The following MAPK10 variants were observed in gnomAD, a reference collection of about 807,000 sequenced individuals.
The protein encoded by MAPK10 is mitogen-activated protein kinase 10, also known as JNK3 alpha protein kinase.
MAPK10 carries 25 observed loss-of-function variants against 59.3 expected under a neutral mutation model. The ratio of observed to expected loss-of-function variants is 0.42; its 90% CI spans 0.31 to 0.59. MAPK10 has a LOEUF of 0.59. Ranked by LOEUF, MAPK10 falls within the 20% of genes least tolerant of loss-of-function variation. The probability of loss-of-function intolerance (pLI) is 0.15; values close to 1 mark genes in which losing one functional copy is unlikely to be tolerated. For synonymous variants in MAPK10, 190 were observed against 200.5 expected, an observed-to-expected ratio of 0.95 and a Z score of 0.44; for missense variants, 351 against 568.9, an observed-to-expected ratio of 0.62 and a Z score of 3.90.
chr4:86,328,131 C>T (rs1210731331), intron 2 of MAPK10, among the ~76,000 whole-genome samples: 3 of 152,092 alleles, frequency 2.0e-5, no homozygotes, highest in African/African-American at 4.8e-5. Flanking sequence ...CCTTATAAAA[C>T]AGGCTTCCTT....
intron 1 of MAPK10, among the ~76,000 whole-genome samples, chr4:86,585,824 T>C (rs1762620046): frequency 6.6e-6 from 1 of 152,178 alleles, no homozygotes; most frequent in South Asian, 2.1e-4. Flanking sequence ...TAGGGGGAGA[T>C]GTAAAAATCA....
chr4:86,582,461 T>C (rs1264783624), intron 1 of MAPK10, among the ~76,000 whole-genome samples: 1 of 152,152 alleles, frequency 6.6e-6, no homozygotes, highest in Non-Finnish European at 1.5e-5. Flanking sequence ...AACCTTGATT[T>C]TACCAAAATT....
intron 1 of MAPK10, among the ~76,000 whole-genome samples, chr4:86,447,839 A>AC (rs1298142283): frequency 6.6e-6 from 1 of 152,228 alleles, no homozygotes; most frequent in African/African-American, 2.4e-5. Flanking sequence ...TCAGTATAAT[A>AC]CATATAGAGT....
intron 4 of MAPK10, among the ~76,000 whole-genome samples, chr4:86,157,801 A>T (rs991696616): frequency 6.6e-6 from 1 of 152,022 alleles, no homozygotes; most frequent in Non-Finnish European, 1.5e-5. Flanking sequence ...TAACTTCCTG[A>T]GCAAAATGCT....
intron 2 of MAPK10, among the ~76,000 whole-genome samples, chr4:86,197,284 T>C (rs139496898): frequency 0.03 from 4,525 of 152,260 alleles, 92 homozygotes; most frequent in South Asian, 0.041. Context: ...TTCATATCCC[T>C]TGTAAGTTGT....
At chr4:86,387,950 A>G (rs1741714349) in intron 1 of MAPK10, among the ~76,000 whole-genome samples, 1 of 150,666 alleles carries the variant, frequency 6.6e-6, no homozygotes, top group Non-Finnish European at 1.5e-5. Context: ...TTTTAAAAAT[A>G]TATACAAAAG....
At chr4:86,183,491 A>G (rs1235098651) in intron 3 of MAPK10, among the ~76,000 whole-genome samples, 1 of 152,018 alleles carries the variant, frequency 6.6e-6, no homozygotes, top group Non-Finnish European at 1.5e-5. Context: ...ATGGCTGCAT[A>G]GTATTCCATG....
intron 11 of MAPK10, among the ~76,000 whole-genome samples, chr4:86,050,898 A>C (rs1461178817): frequency 2.0e-5 from 3 of 152,120 alleles, no homozygotes; most frequent in Non-Finnish European, 4.4e-5. Context: ...CACATACCTT[A>C]GGTAAGAAAT....
In MAPK10 at chr4:86,037,089, A is replaced by T. The variant is rs184886665; in HGVS notation, c.1111-5658T>A. On this transcript the variant is annotated intron_variant, in intron 11 of 13. Transcript: ENST00000641462. ...TAAAATATGGCTGTTGGCAGACAGT[A>T]CAGACAAGAGTAGAATTCTGCATAA... is the stretch of plus-strand genomic sequence containing the variant. Among the ~76,000 whole-genome samples, 3 of 152,352 alleles carry T rather than the reference A, an allele frequency of 2.0e-5. No homozygotes were observed. In the East Asian group the frequency reaches 5.8e-4, roughly 29 times the overall value.
chr4:86,139,919 G>A (rs1443791544), intron 4 of MAPK10, among the ~76,000 whole-genome samples: 2 of 147,350 alleles, frequency 1.4e-5, no homozygotes, highest in Non-Finnish European at 1.5e-5. Flanking sequence ...GCAGCCAAAA[G>A]ACACATGAAA....
intron 9 of MAPK10, among the ~76,000 whole-genome samples, chr4:86,076,190 G>A (rs1254692698): frequency 6.6e-6 from 1 of 152,180 alleles, no homozygotes; most frequent in Non-Finnish European, 1.5e-5. Flanking sequence ...CTTTGACTCG[G>A]AAAGGGAACT....
At chr4:86,215,017 C>T (rs1182518857) in intron 2 of MAPK10, among the ~76,000 whole-genome samples, 2 of 152,060 alleles carry the variant, frequency 1.3e-5, no homozygotes, top group African/African-American at 4.8e-5. Context: ...AAACCTACTA[C>T]AAAGCTACAA....
In MAPK10 at chr4:86,350,929, T is replaced by C. The variant is rs147604408; in HGVS notation, c.-7+3601A>G. Among the ~76,000 whole-genome samples, 937 of 152,308 alleles carry C rather than the reference T, an allele frequency of 6.2e-3. 9 individuals carry two copies. The highest frequency in any genetic ancestry group is 0.02 in the Middle Eastern group (6 of 294). Reference sequence around the variant, plus strand: ...GTTAGGAAATAGAATAGGTTGATTGTGTCATCACTCGTTAATTTAAAAATC... The same window carrying C: ...GTTAGGAAATAGAATAGGTTGATTGCGTCATCACTCGTTAATTTAAAAATC... On this transcript the variant is annotated intron_variant, in intron 2 of 13. Transcript: ENST00000641462.
intron 3 of MAPK10, among the ~76,000 whole-genome samples, chr4:86,181,126 C>T (rs1212502611): frequency 6.6e-6 from 1 of 151,792 alleles, no homozygotes; most frequent in Non-Finnish European, 1.5e-5. Context: ...TGTTATGTGC[C>T]AATTTTTTTA....
chr4:86,170,095 G>A (rs1397725767), intron 3 of MAPK10, among the ~76,000 whole-genome samples: 5 of 151,614 alleles, frequency 3.3e-5, no homozygotes, highest in South Asian at 4.2e-4. Flanking sequence ...GGTACCAGCC[G>A]CTGCAAAATC....
intron 3 of MAPK10, among the ~76,000 whole-genome samples, chr4:86,161,718 C>G (rs540109679): frequency 6.6e-6 from 1 of 152,192 alleles, no homozygotes; most frequent in South Asian, 2.1e-4. Flanking sequence ...GAAAATATAT[C>G]TCCCCTTCCC....
At chr4:86,191,116 G>T (rs888337674) in intron 3 of MAPK10, among the ~76,000 whole-genome samples, 1 of 152,164 alleles carries the variant, frequency 6.6e-6, no homozygotes, top group Non-Finnish European at 1.5e-5. Flanking sequence ...AAGACTGTTT[G>T]TTATGATTTC....
At chr4:86,265,728 C>T (rs928254913) in intron 2 of MAPK10, among the ~76,000 whole-genome samples, 5 of 152,106 alleles carry the variant, frequency 3.3e-5, no homozygotes, top group African/African-American at 7.2e-5. Context: ...CATTTAACCC[C>T]TCAGGATATT....
intron 1 of MAPK10, among the ~76,000 whole-genome samples, chr4:86,372,568 GAAAAGAAAA>G (rs764316918): frequency 4.8e-3 from 141 of 29,082 alleles, no homozygotes; most frequent in Middle Eastern, 0.022. Flanking sequence ...AAGAAAGAAA[GAAAAGAAAA>G]GAAAAGAAAA....
Sources: allele counts gnomAD v4.1 joint callset (sites outside exome capture counted in the v4.1 genomes callset), GRCh38; gene constraint gnomAD v4.1.1; transcripts MANE v1.5; gene names NCBI Gene and HGNC (gene_info 2026-07-23, HGNC 2026-07-21).